Variants in COL9A1 observed in about 807,000 individuals in gnomAD.
The protein encoded by COL9A1 is collagen alpha-1(IX) chain.
COL9A1 carries 104 observed loss-of-function variants against 142.6 expected under a neutral mutation model. The observed-to-expected ratio is 0.73, with a 90% CI of 0.62 to 0.86. The LOEUF is 0.86. COL9A1 is among the 40% of genes least tolerant of loss of function. The pLI is 0.00. For synonymous variants in COL9A1, 466 were observed against 396.0 expected (o/e 1.18, Z -2.10); for missense variants, 1,210 against 1,176.6 (o/e 1.03, Z -0.42).
chr6:70,240,819 A>C, intron 31 of COL9A1, 86 bp from the exon 32 acceptor site: 1 of 987,248 alleles, frequency 1.0e-6, no homozygotes, highest in Middle Eastern at 2.1e-4. Context: ...AGCATTCATA[A>C]GTGCCCACAG....
intron 33 of COL9A1, among the ~76,000 whole-genome samples, chr6:70,236,913 C>A (rs1052645258): frequency 2.6e-5 from 4 of 152,042 alleles, no homozygotes; most frequent in African/African-American, 9.7e-5. Context: ...CCTCCACCTC[C>A]CAGGTTCAAG....
rs749009864 is a variant in COL9A1, at chr6:70,281,368, TGGCCTGGA to T, written c.876+14_876+21del. 1 of 1,605,726 alleles carries T rather than the reference TGGCCTGGA, an allele frequency of 6.2e-7. No individual in the cohort carries two copies. The highest frequency in any genetic ancestry group is 8.5e-7 in the Non-Finnish European group (1 of 1,176,432). ...AAAGGGCAGGACTGGGGAACAGAGG[TGGCCTGGA>T]GATAGAAACTTACGTCGATGCCATC... On this transcript the variant is annotated intron_variant, in intron 8 of 37. Coordinates refer to ENST00000357250, the MANE Select transcript of COL9A1 (RefSeq NM_001851.6).
intron 37 of COL9A1, 21 bp from the exon 38 acceptor site, chr6:70,217,102 C>T (rs776603064): frequency 2.5e-6 from 4 of 1,613,068 alleles, no homozygotes; most frequent in Non-Finnish European, 3.4e-6. Flanking sequence ...CAGAAGATTG[C>T]ACATGTGAAC....
In COL9A1 at chr6:70,224,266, C is replaced by T. The variant is rs377035862; in HGVS notation, c.2581+1666G>A. Among the ~76,000 whole-genome samples the T allele has an allele frequency of 7.4e-4, 112 of 152,278 alleles. 2 individuals carry two copies. The South Asian group carries it at 0.022, about 30-fold the overall frequency. On this transcript the variant is annotated intron_variant, in intron 37 of 37. Transcript: ENST00000357250. ...AAGCAAGTCGGGGAAGCCCCTCTGA[C>T]TGACTGTGTGCCCCGTTTGCGCCCC...
At chr6:70,294,061 A>T in intron 5 of COL9A1, 106 bp downstream of exon 5, 1 of 1,448,886 alleles carries the variant, frequency 6.9e-7, no homozygotes, top group African/African-American at 1.4e-5. Context: ...TCCAAATTCC[A>T]TCTGGGACAT....
At chr6:70,242,550 C>T (rs1479033983) in intron 29 of COL9A1, 112 bp downstream of exon 29, 2 of 941,832 alleles carry the variant, frequency 2.1e-6, no homozygotes, top group African/African-American at 3.2e-5. Context: ...ATTCACATAA[C>T]AAGAGAAATC....
chr6:70,254,664 A>G (rs1039343584), intron 24 of COL9A1, 135 bp from the exon 25 acceptor site: 2 of 806,918 alleles, frequency 2.5e-6, no homozygotes, highest in Non-Finnish European at 4.2e-6. Flanking sequence ...TTATAAAGTG[A>G]CTTAATTTAG....
chr6:70,241,109 T>C (rs539916268), intron 31 of COL9A1, among the ~76,000 whole-genome samples: 1 of 152,342 alleles, frequency 6.6e-6, no homozygotes, highest in African/African-American at 2.4e-5. Context: ...TAAGACATTC[T>C]AATGTGGCTG....
intron 33 of COL9A1, among the ~76,000 whole-genome samples, chr6:70,236,589 G>A (rs890735019): frequency 6.6e-6 from 1 of 152,222 alleles, no homozygotes; most frequent in African/African-American, 2.4e-5. Flanking sequence ...AGAAGGCGAT[G>A]AAGCAATGCT....
chr6:70,272,306 T>G (rs78944678), intron 12 of COL9A1, among the ~76,000 whole-genome samples: 1 of 147,974 alleles, frequency 6.8e-6, no homozygotes, highest in African/African-American at 2.5e-5. Flanking sequence ...CTGTCTATGC[T>G]AACTGGGATT....
At chr6:70,251,419 C>A (rs1770935082) in intron 28 of COL9A1, among the ~76,000 whole-genome samples, 1 of 152,102 alleles carries the variant, frequency 6.6e-6, no homozygotes, top group Admixed American at 6.5e-5. Flanking sequence ...TGGTGATGCA[C>A]CCCTTCAGTC....
rs987952408 is a variant in COL9A1 at position 70,266,865 on chromosome 6, T to A, written c.1288-95A>T. 3.0e-6 allele frequency: 3 copies of A among 985,780 alleles called. No homozygotes were observed. In the African/African-American group the frequency reaches 4.8e-5, roughly 16 times the overall value. The allele number at this position is 985,780 out of a possible 1,614,324, so 61.1% of individuals were successfully genotyped here. ...TCCTGCTTCCCTAAATCAGTGCCAA[T>A]GTATTACTAAGAAATGAGTTATGTC... On this transcript the variant is annotated intron_variant, in intron 17 of 37. Transcript: ENST00000357250.
At position 70,280,843 on chromosome 6, in the gene COL9A1, G is replaced by C; in HGVS notation, c.944C>G (p.Ala315Gly). The change falls in exon 10 of 38, where the codon GCT becomes GGT. Residue 315 changes from alanine to glycine, a missense_variant. Ala to Gly is a moderately conservative substitution (Grantham distance 60, BLOSUM62 0). Coordinates refer to ENST00000357250, the MANE Select transcript of COL9A1 (RefSeq NM_001851.6). Reference sequence around the variant, plus strand: ...GCCAGGTGTGCCAGGCTTGCCTGGAGCTCCTGGCTTTCCCGGTTCACCTGC... The same window carrying C: ...GCCAGGTGTGCCAGGCTTGCCTGGACCTCCTGGCTTTCCCGGTTCACCTGC... ...GPAGEPGKPG[A>G]PGKPGTPGAD... 1 of 1,613,498 alleles carries C rather than the reference G, an allele frequency of 6.2e-7. No homozygotes were observed. Among genetic ancestry groups the C allele is most frequent in the Non-Finnish European group, 8.5e-7 (1 of 1,179,870 alleles).
intron 2 of COL9A1, among the ~76,000 whole-genome samples, chr6:70,301,301 C>T (rs1377468787): frequency 6.6e-6 from 1 of 152,104 alleles, no homozygotes; most frequent in African/African-American, 2.4e-5. Context: ...ATAGGCCCGG[C>T]GCTGTGGCTC....
In COL9A1 at chr6:70,241,436, C is replaced by T. The variant is rs761948767; in HGVS notation, c.2017G>A (p.Gly673Ser). 4 of 1,610,934 alleles carry T rather than the reference C, an allele frequency of 2.5e-6. No homozygotes were observed. The African/African-American group carries it at 4.0e-5, about 16-fold the overall frequency. ...KGDRGVVGEP[G>S]PKGEQGASGE... ...AGACTGACCTGTTCACCCTTTGGAC[C>T]CGGTTCACCGACTACACCCTGTAAT... The change falls in exon 31 of 38, where the codon GGT (glycine) becomes AGT (serine). Residue 673 changes from glycine to serine, a missense_variant. Physicochemically the swap from Gly to Ser is moderately conservative, Grantham distance 56. Coordinates refer to ENST00000357250, the MANE Select transcript of COL9A1 (RefSeq NM_001851.6).
Position 70,229,383 on chromosome 6 carries a change from A to G in COL9A1, c.2503+3200T>C, listed in dbSNP as rs549196840. 2.6e-5 allele frequency among the ~76,000 whole-genome samples: 4 copies of G among 152,304 alleles called. No individual in the cohort carries two copies. In the East Asian group the frequency reaches 7.7e-4, roughly 29 times the overall value. On this transcript the variant is annotated intron_variant, in intron 36 of 37. Transcript: ENST00000357250. ...ATAAAGAGCTTGTAAAATAAGCTTT[A>G]GGTAAGGTATAAAGAAAAATACACA...
At chr6:70,258,500 C>A (rs1178420696) in intron 20 of COL9A1, 1 of 152,222 alleles carries the variant, frequency 6.6e-6, no homozygotes, top group African/African-American at 2.4e-5. Context: ...CCCTGAAATT[C>A]TTTGATCCCT....
At chr6:70,242,799 C>G in intron 28 of COL9A1, 84 bp from the exon 29 acceptor site, 1 of 1,384,008 alleles carries the variant, frequency 7.2e-7, no homozygotes, top group East Asian at 2.3e-5. Flanking sequence ...AACATCCTAC[C>G]TAGGTTTTTT....
At chr6:70,252,381 A>G (rs1770999582) in intron 26 of COL9A1, 66 bp from the exon 27 acceptor site, 1 of 1,413,802 alleles carries the variant, frequency 7.1e-7, no homozygotes, top group Non-Finnish European at 1.0e-6. Context: ...AATCTGCCTT[A>G]CCCAGACTGG....
Sources: gnomAD v4.1 joint callset for allele counts (sites outside exome capture counted in the v4.1 genomes callset) on GRCh38, gnomAD v4.1.1 for gene constraint, MANE v1.5 for transcripts, NCBI Gene and HGNC (gene_info 2026-07-23, HGNC 2026-07-21) for gene names.